Variants in AFAP1L2 observed in about 807,000 individuals in gnomAD.
AFAP1L2 encodes actin filament associated protein 1 like 2.
In AFAP1L2, 46 loss-of-function variants were observed where a neutral mutation model predicts 99.3. That is an observed-to-expected ratio of 0.46 (90% CI 0.37 to 0.59). The LOEUF (loss-of-function observed/expected upper bound fraction) is 0.59, where lower values mean the gene tolerates loss of function less well. AFAP1L2 is among the 20% of genes least tolerant of loss of function. The pLI is 0.00. For synonymous variants in AFAP1L2, 397 were observed against 419.1 expected, an observed-to-expected ratio of 0.95 and a Z score of 0.64; for missense variants, 959 against 1,034.9, an observed-to-expected ratio of 0.93 and a Z score of 1.01.
intron 1 of AFAP1L2, among the ~76,000 whole-genome samples, chr10:114,389,053 C>A (rs1453025714): frequency 6.6e-6 from 1 of 152,174 alleles, no homozygotes; most frequent in African/African-American, 2.4e-5. Context: ...AAGACTTAAG[C>A]TTTAGTTACT....
At chr10:114,351,373 T>C (rs927670244) in intron 1 of AFAP1L2, among the ~76,000 whole-genome samples, 1 of 152,192 alleles carries the variant, frequency 6.6e-6, no homozygotes, top group South Asian at 2.1e-4. Context: ...AAAAGACATA[T>C]TAAAGATGGA....
intron 1 of AFAP1L2, among the ~76,000 whole-genome samples, chr10:114,396,708 C>G (rs1177699785): frequency 6.6e-6 from 1 of 152,144 alleles, no homozygotes; most frequent in African/African-American, 2.4e-5. Context: ...ACATTAGATC[C>G]ATGTGTGGGT....
At chr10:114,291,270 C>A (rs758577551), downstream of AFAP1L2, 10 of 1,544,794 alleles carry the variant, frequency 6.5e-6, no homozygotes, top group African/African-American at 1.4e-4. Context: ...GGGCAGCAGC[C>A]GTACCCCTCC....
At chr10:114,354,521 C>T (rs1027494732) in intron 1 of AFAP1L2, among the ~76,000 whole-genome samples, 3 of 152,086 alleles carry the variant, frequency 2.0e-5, no homozygotes, top group Non-Finnish European at 4.4e-5. Context: ...CAGATTTGAC[C>T]GGCCCCACCT....
chr10:114,359,063 T>C (rs1284852164), intron 1 of AFAP1L2, among the ~76,000 whole-genome samples: 1 of 152,266 alleles, frequency 6.6e-6, no homozygotes, highest in African/African-American at 2.4e-5. Context: ...TCAAATCATA[T>C]CCTCTGAGAA....
chr10:114,352,644 G>A (rs1042211440), intron 1 of AFAP1L2, among the ~76,000 whole-genome samples: 5 of 152,322 alleles, frequency 3.3e-5, no homozygotes, highest in Non-Finnish European at 5.9e-5. Flanking sequence ...GAATGAACGA[G>A]TGAAGGTTTT....
intron 2 of AFAP1L2, among the ~76,000 whole-genome samples, chr10:114,333,885 T>C (rs2047564306): frequency 6.6e-6 from 1 of 152,192 alleles, no homozygotes. Context: ...TAGAGATGTC[T>C]CTGGGCTTCC....
At chr10:114,322,697 G>A (rs2045570504) in intron 5 of AFAP1L2, among the ~76,000 whole-genome samples, 1 of 152,176 alleles carries the variant, frequency 6.6e-6, no homozygotes, top group South Asian at 2.1e-4. Context: ...GTGCTGGGAT[G>A]ACTGGGCTCC....
At chr10:114,363,297 G>T (rs945091) in intron 1 of AFAP1L2, 1 of 481,424 alleles carries the variant, frequency 2.1e-6, no homozygotes, top group Admixed American at 6.4e-5. Flanking sequence ...CAGAATTCAC[G>T]ACACACGCTC....
intron 1 of AFAP1L2, among the ~76,000 whole-genome samples, chr10:114,346,185 C>T (rs568848538): frequency 1.3e-5 from 2 of 152,170 alleles, no homozygotes; most frequent in Non-Finnish European, 2.9e-5. Flanking sequence ...TGTTCCTTCC[C>T]TTCCTCTCTG....
At chr10:114,314,141 C>T in intron 6 of AFAP1L2, 91 bp from the exon 7 acceptor site, 2 of 1,331,030 alleles carry the variant, frequency 1.5e-6, no homozygotes. Context: ...CGTTGCAGGA[C>T]TCACCAAGAG....
chr10:114,370,629 C>A (rs1590653812), intron 1 of AFAP1L2, among the ~76,000 whole-genome samples: 2 of 152,304 alleles, frequency 1.3e-5, no homozygotes, highest in South Asian at 4.1e-4. Context: ...TACCTAAATG[C>A]CAGAGAGCTG....
chr10:114,387,904 G>A (rs1025303013), intron 1 of AFAP1L2, among the ~76,000 whole-genome samples: 1 of 152,032 alleles, frequency 6.6e-6, no homozygotes, highest in African/African-American at 2.4e-5. Context: ...AAGGACACGG[G>A]ACCACAATGC....
rs2054902335 is a variant in AFAP1L2 at position 114,377,023 on chromosome 10, C to T, written c.16+27417G>A. Among the ~76,000 whole-genome samples, 1 of 152,150 alleles carries T rather than the reference C, an allele frequency of 6.6e-6. No homozygotes were observed. The highest frequency in any genetic ancestry group is 2.4e-5 in the African/African-American group (1 of 41,426). ...CCCAACACAGGGAAGGTGAAGGGCA[C>T]TCAACTTGGTGTTTTCAAATATCAC... is the stretch of plus-strand genomic sequence containing the variant. On this transcript the variant is annotated intron_variant, in intron 1 of 18. Transcript: ENST00000304129. This position sits in a 1 kb window ranked among gnomAD's most constrained non-coding sequence, Gnocchi z 4.0.
rs201950557 is a variant in AFAP1L2, at chr10:114,345,733, G to C, written c.17-5002C>G. ...GTCATTCCCAGGGAGCCAGGAAAGT[G>C]CATCTGAGTCATGGCCCCTGCCCAT... On this transcript the variant is annotated intron_variant, in intron 1 of 18. Transcript: ENST00000304129. 3.9e-5 allele frequency among the ~76,000 whole-genome samples: 6 copies of C among 152,352 alleles called. No homozygotes were observed. The East Asian group carries it at 1.2e-3, about 29-fold the overall frequency.
chr10:114,307,543 T>G (rs2042615219), intron 10 of AFAP1L2, among the ~76,000 whole-genome samples: 1 of 151,874 alleles, frequency 6.6e-6, no homozygotes, highest in African/African-American at 2.4e-5. Context: ...AACATCATTT[T>G]TAAAAGAATA....
intron 1 of AFAP1L2, among the ~76,000 whole-genome samples, chr10:114,361,740 GTATGGAGCACC>G (rs1263968534): frequency 1.3e-5 from 2 of 152,148 alleles, no homozygotes; most frequent in African/African-American, 4.8e-5. Flanking sequence ...CACCAAATAT[GTATGGAGCACC>G]TAACATGTGT....
In AFAP1L2 at chr10:114,382,588, C is replaced by CTTCTTTTTTT. The variant is rs747277134; in HGVS notation, c.16+21851_16+21852insAAAAAAAGAA. On this transcript the variant is annotated intron_variant, in intron 1 of 18. Transcript: ENST00000304129. ...CAATGATATTATGTATATTTCTTCT[C>CTTCTTTTTTT]TTTTTTTTTTTTTTTTTTTTTTGAG... 2.0e-4 allele frequency among the ~76,000 whole-genome samples: 19 copies of CTTCTTTTTTT among 93,288 alleles called. 1 individual carries two copies. The highest frequency in any genetic ancestry group is 4.5e-4 in the African/African-American group (11 of 24,610). The allele number at this position is 93,288 out of a possible 152,430, so 61.2% of individuals were successfully genotyped here.
At chr10:114,385,903 C>G (rs1439176184) in intron 1 of AFAP1L2, among the ~76,000 whole-genome samples, 2 of 152,066 alleles carry the variant, frequency 1.3e-5, no homozygotes, top group Non-Finnish European at 2.9e-5. Context: ...GTGGAGGGTG[C>G]GAGTTGAATA....
Sources: gnomAD v4.1 joint callset for allele counts (sites outside exome capture counted in the v4.1 genomes callset) on GRCh38, gnomAD v4.1.1 for gene constraint, Gnocchi (gnomAD v3.1) non-coding constraint, MANE v1.5 for transcripts, NCBI Gene and HGNC (gene_info 2026-07-23, HGNC 2026-07-21) for gene names.